Variants in TTYH3 observed in about 807,000 individuals in gnomAD.
TTYH3 encodes protein tweety homolog 3.
In TTYH3, 23 loss-of-function variants were observed where a neutral mutation model predicts 68.2. The ratio of observed to expected loss-of-function variants is 0.34; its 90% CI spans 0.24 to 0.48. TTYH3 has a LOEUF of 0.48. Among genes scored for constraint, TTYH3 ranks in the 20% least tolerant of loss-of-function variants. The pLI is 0.99. For synonymous variants in TTYH3, 360 were observed against 332.8 expected (o/e 1.08, Z -0.89); for missense variants, 768 against 727.7 (o/e 1.06, Z -0.64).
intron 4 of TTYH3, 121 bp from the exon 5 acceptor site, chr7:2,647,838 C>T (rs755369456): frequency 9.7e-5 from 118 of 1,211,718 alleles, no homozygotes; most frequent in Middle Eastern, 3.8e-4. Flanking sequence ...ATGACCCAGA[C>T]GCTCTGAATG....
At chr7:2,634,933 C>T (rs562712364) in intron 1 of TTYH3, among the ~76,000 whole-genome samples, 11 of 152,076 alleles carry the variant, frequency 7.2e-5, no homozygotes, top group South Asian at 2.1e-4. Flanking sequence ...GCTGCCTTGC[C>T]GCTGGGGGTG....
chr7:2,635,786 G>A (rs979237100), intron 1 of TTYH3, among the ~76,000 whole-genome samples: 1 of 152,244 alleles, frequency 6.6e-6, no homozygotes, highest in African/African-American at 2.4e-5. Flanking sequence ...TGGGGGACGT[G>A]TTTTCCACTA....
intron 13 of TTYH3, among the ~76,000 whole-genome samples, chr7:2,661,072 C>T (rs538246896): frequency 0.48 from 537 of 1,118 alleles, 4 homozygotes; most frequent in African/African-American, 0.5. Flanking sequence ...GGGTCCCCCA[C>T]GGGAGGGGGG....
At position 2,642,122 on chromosome 7, in the gene TTYH3, C is replaced by T. The variant is rs541568898; in HGVS notation, c.124-4731C>T. Among the ~76,000 whole-genome samples, 8 of 152,362 alleles carry T rather than the reference C, an allele frequency of 5.3e-5. No homozygotes were observed. The East Asian group carries it at 5.8e-4, about 11-fold the overall frequency. On this transcript the variant is annotated intron_variant, in intron 1 of 13. Transcript: ENST00000258796. ...ACAAGAGAAAGCTGCCTCAGCCAATCGCGGTGCTCACACCTGTAATCCAGC... is the reference window on the plus strand; with the variant it reads ...ACAAGAGAAAGCTGCCTCAGCCAATTGCGGTGCTCACACCTGTAATCCAGC...
At chr7:2,647,307 C>T (rs1245361862) in intron 3 of TTYH3, 54 bp downstream of exon 3, 18 of 1,530,334 alleles carry the variant, frequency 1.2e-5, no homozygotes, top group Non-Finnish European at 1.6e-5. Flanking sequence ...CGGAGCCCCA[C>T]GTCTGCGCGA....
intron 13 of TTYH3, among the ~76,000 whole-genome samples, chr7:2,659,631 G>A (rs1401765977): frequency 6.6e-6 from 1 of 152,226 alleles, no homozygotes; most frequent in Admixed American, 6.5e-5. Context: ...TGGCGAAGCT[G>A]GGGGACCGGG....
Position 2,658,330 on chromosome 7 carries a change from G to C in TTYH3, c.1295G>C (p.Arg432Pro), listed in dbSNP as rs749517313. ...GAGGAGGAGGCCGCTCCAGGGCCGC[G>C]GCAGGCGCACGACAGCCTCTACCGC... The part of the protein sequence containing the change: ...DGEEEAAPGP[R>P]QAHDSLYRVH... Residue 432 changes from arginine to proline, a missense_variant, in exon 12 of 14, where the codon CGG becomes CCG. Transcript: ENST00000258796. 6.2e-7 allele frequency: 1 copy of C among 1,602,774 alleles called. No homozygotes were observed. Among genetic ancestry groups the C allele is most frequent in the Non-Finnish European group, 8.5e-7 (1 of 1,174,752 alleles).
chr7:2,632,057 C>G lies in TTYH3; in HGVS notation c.-99C>G. The stretch of plus-strand genomic sequence containing the variant: ...CCCAGGAGCGCGCGGATGATGCGGG[C>G]GGCCAGGCGGGGGTCGACGGGTCCC... On this transcript the variant is annotated 5_prime_UTR_variant, in exon 1 of 14. Coordinates refer to ENST00000258796, the MANE Select transcript of TTYH3 (RefSeq NM_025250.3). The G allele has an allele frequency of 9.2e-7, 1 of 1,090,014 alleles. No individual in the cohort carries two copies. The highest frequency in any genetic ancestry group is 1.7e-5 in the African/African-American group (1 of 60,436). The allele number at this position is 1,090,014 out of a possible 1,614,324, so 67.5% of individuals were successfully genotyped here.
At chr7:2,648,673 T>C (rs962651549) in intron 5 of TTYH3, 1 of 151,782 alleles carries the variant, frequency 6.6e-6, no homozygotes, top group African/African-American at 2.4e-5. Flanking sequence ...AGGAGCAGAA[T>C]GAGGGAAACG....
intron 7 of TTYH3, among the ~76,000 whole-genome samples, chr7:2,650,659 G>A (rs1445168118): frequency 6.6e-6 from 1 of 152,092 alleles, no homozygotes; most frequent in Non-Finnish European, 1.5e-5. Context: ...GGGGAGAATG[G>A]AGGGTGGGAG....
intron 1 of TTYH3, among the ~76,000 whole-genome samples, chr7:2,633,190 C>G (rs1378402883): frequency 1.3e-5 from 2 of 152,156 alleles, no homozygotes; most frequent in Non-Finnish European, 2.9e-5. Flanking sequence ...CCAGAAGCCC[C>G]GTGACCAGGG....
Position 2,662,089 on chromosome 7 carries a change from C to T in TTYH3, c.*350C>T. The T allele has an allele frequency of 2.1e-6, 1 of 484,026 alleles. No individual in the cohort carries two copies. Among genetic ancestry groups the T allele is most frequent in the East Asian group, 3.9e-5 (1 of 25,684 alleles). 30.0% of individuals were successfully genotyped at this position (484,026 alleles called of 1,614,324 possible). ...TGTTGCCGCCCGGCCCTTCCCTCCA[C>T]AGCTCTCCTTCCTCCCGCCCGGCAC... On this transcript the variant is annotated 3_prime_UTR_variant, in exon 14 of 14. Transcript: ENST00000258796.
chr7:2,653,491 T>C (rs938288191), intron 9 of TTYH3, among the ~76,000 whole-genome samples: 1 of 152,212 alleles, frequency 6.6e-6, no homozygotes, highest in Non-Finnish European at 1.5e-5. Flanking sequence ...CTGGGGGCAT[T>C]GTGGAAATTT....
intron 1 of TTYH3, among the ~76,000 whole-genome samples, chr7:2,635,332 C>T (rs1282846170): frequency 8.5e-5 from 13 of 152,228 alleles, no homozygotes; most frequent in African/African-American, 2.7e-4. Flanking sequence ...CTCGCTCTGT[C>T]GCTTCTTCCT....
chr7:2,650,078 G>A, intron 7 of TTYH3, 90 bp downstream of exon 7: 1 of 1,347,724 alleles, frequency 7.4e-7, no homozygotes, highest in East Asian at 2.4e-5. Flanking sequence ...AGACACCCCT[G>A]CCCTGTGGGT....
At chr7:2,648,859 G>T (rs1403749053) in intron 5 of TTYH3, among the ~76,000 whole-genome samples, 1 of 150,600 alleles carries the variant, frequency 6.6e-6, no homozygotes, top group African/African-American at 2.4e-5. Context: ...CAGGAAGGAT[G>T]ACAGTGTGCA....
At position 2,648,188 on chromosome 7, in the gene TTYH3, T is replaced by A. The variant is rs1425865560; in HGVS notation, c.722+134T>A. 6.3e-6 allele frequency: 5 copies of A among 792,444 alleles called. No individual in the cohort carries two copies. In the Admixed American group the frequency reaches 1.3e-4, roughly 20 times the overall value. The allele number at this position is 792,444 out of a possible 1,614,324, so 49.1% of individuals were successfully genotyped here. A position where few individuals can be genotyped will look rare whatever the true frequency, so the allele number is the denominator to read the frequency against. ...CGGTGGGGGCTGAGCGGGACCCCCC[T>A]GCACTGGGCCTGCTCTGAGATGCCC... On this transcript the variant is annotated intron_variant, in intron 5 of 13. Coordinates refer to ENST00000258796, the MANE Select transcript of TTYH3 (RefSeq NM_025250.3).
chr7:2,663,141 G>GGCCCAGCCA lies in TTYH3; in HGVS notation c.*1411_*1419dup, dbSNP rs1337201742. ...TGCTACCCCTCCCGGTCCCGGCCCT[G>GGCCCAGCCA]GCCCAGCCAGCCCAGCCCTCGAGGC... On this transcript the variant is annotated 3_prime_UTR_variant, in exon 14 of 14. Transcript: ENST00000258796. 2 of 152,474 alleles carry GGCCCAGCCA rather than the reference G, an allele frequency of 1.3e-5. No individual in the cohort carries two copies. Among genetic ancestry groups the GGCCCAGCCA allele is most frequent in the African/African-American group, 2.4e-5 (1 of 41,452 alleles). 9.4% of individuals were successfully genotyped at this position (152,474 alleles called of 1,614,324 possible).
Position 2,646,857 on chromosome 7 carries a change from T to A in TTYH3, c.128T>A (p.Leu43Gln), listed in dbSNP as rs765964442. Residue 43 changes from leucine (L) to glutamine (Q), a missense_variant, in exon 2 of 14, where the codon CTG (leucine) becomes CAG (glutamine). Physicochemically the swap from Leu to Gln is moderately radical, Grantham distance 113 (BLOSUM62 -2). Transcript: ENST00000258796. Reference protein sequence around the residue: ...RPEDTDYQQALLLLGAAALAC... With the variant: ...RPEDTDYQQAQLLLGAAALAC... ...CCGCTTCCTGCCTGCCCTCAGGCCCTGCTGCTCCTGGGGGCCGCCGCCCTG... is the reference window on the plus strand; with the variant it reads ...CCGCTTCCTGCCTGCCCTCAGGCCCAGCTGCTCCTGGGGGCCGCCGCCCTG... 1 of 1,594,736 alleles carries A rather than the reference T, an allele frequency of 6.3e-7. No individual in the cohort carries two copies. The highest frequency in any genetic ancestry group is 2.2e-5 in the East Asian group (1 of 44,710).
Sources: allele counts gnomAD v4.1 joint callset (sites outside exome capture counted in the v4.1 genomes callset), GRCh38; gene constraint gnomAD v4.1.1; transcripts MANE v1.5; gene names NCBI Gene and HGNC (gene_info 2026-07-23, HGNC 2026-07-21).